STARD8: variants seen among roughly 807,000 people sequenced by gnomAD.
STARD8 encodes the protein stAR-related lipid transfer protein 8.
A neutral mutation model predicts 69.4 loss-of-function variants in STARD8; 25 were observed. The ratio of observed to expected loss-of-function variants is 0.36; its 90% CI spans 0.26 to 0.50. STARD8 has a LOEUF of 0.50. Among genes scored for constraint, STARD8 ranks in the 20% least tolerant of loss-of-function variants. The pLI, the probability that STARD8 is intolerant of heterozygous loss-of-function variation, is 0.96. For missense variants in STARD8, 921 were observed against 932.5 expected (o/e 0.99, Z 0.16); for synonymous variants, 389 against 374.6 (o/e 1.04, Z -0.45).
At chrX:68,669,873 A>G (rs1196043266) in intron 2 of STARD8, among the ~76,000 whole-genome samples, 1 of 112,759 alleles carries the variant, frequency 8.9e-6, no homozygotes. Flanking sequence ...AGACAAAAAT[A>G]CTAAGCATAT....
In STARD8 at chrX:68,662,003, TCTTTC is replaced by T. The variant is rs1233393830; in HGVS notation, c.46-3495_46-3491del. On this transcript the variant is annotated intron_variant, in intron 1 of 14. Coordinates refer to ENST00000374599, the MANE Select transcript of STARD8 (RefSeq NM_001142503.3). ...TTCTTTCTTTCTTTCTTTCTTTCTT[TCTTTC>T]TTTCTTTCTTTCTTTCTTTTTGGAG... 9.4e-5 allele frequency among the ~76,000 whole-genome samples: 9 copies of T among 95,684 alleles called. No individual in the cohort carries two copies. The East Asian group carries it at 2.8e-3, about 30-fold the overall frequency. 83.1% of individuals were successfully genotyped at this position (95,684 alleles called of 115,157 possible).
chrX:68,685,712 T>C (rs2079827401), intron 2 of STARD8, among the ~76,000 whole-genome samples: 1 of 112,852 alleles, frequency 8.9e-6, no homozygotes, highest in Admixed American at 9.3e-5. Context: ...ATTTGCATTC[T>C]TGGGCCTCAG....
At chrX:68,673,418 C>A (rs1162935632) in intron 2 of STARD8, among the ~76,000 whole-genome samples, 8 of 111,971 alleles carry the variant, frequency 7.1e-5, no homozygotes, top group Non-Finnish European at 9.4e-5. Context: ...TTTCATCGTC[C>A]CAGATACGCT....
rs750870400 is a variant in STARD8 at position 68,684,566 on chromosome X, G to A, written c.79+19034G>A. Among the ~76,000 whole-genome samples the A allele has an allele frequency of 2.7e-5, 3 of 112,740 alleles. No individual in the cohort carries two copies. The South Asian group carries it at 1.1e-3, about 41-fold the overall frequency. On this transcript the variant is annotated intron_variant, in intron 2 of 14. Coordinates refer to ENST00000374599, the MANE Select transcript of STARD8 (RefSeq NM_001142503.3). ...CTCCTTTTCCGCGGGCGGCGTGGGG[G>A]AGGGGGCTGCCCCTGTGAGAGGCGC...
At chrX:68,659,310 T>C (rs2079630307) in intron 1 of STARD8, among the ~76,000 whole-genome samples, 1 of 112,050 alleles carries the variant, frequency 8.9e-6, no homozygotes, top group Non-Finnish European at 1.9e-5. Flanking sequence ...AGGAAACATT[T>C]TTACCTGCCA....
At chrX:68,685,885 C>T (rs1012743224) in intron 2 of STARD8, among the ~76,000 whole-genome samples, 1 of 99,056 alleles carries the variant, frequency 1.0e-5, no homozygotes, top group Non-Finnish European at 1.9e-5. Context: ...AAGCAGGGGG[C>T]GGTAAAGGGA....
chrX:68,671,721 G>A (rs989625216), intron 2 of STARD8, among the ~76,000 whole-genome samples: 16 of 112,087 alleles, frequency 1.4e-4, no homozygotes, highest in African/African-American at 4.5e-4. Context: ...GTGCAGATCC[G>A]TGTAAAACAC....
At chrX:68,721,280 G>C (rs1045012138) in intron 9 of STARD8, among the ~76,000 whole-genome samples, 158 bp downstream of exon 9, 9 of 111,950 alleles carry the variant, frequency 8.0e-5, no homozygotes, top group Non-Finnish European at 1.5e-4. Flanking sequence ...CTTGCAGAGA[G>C]ACCATTCTGC....
intron 2 of STARD8, among the ~76,000 whole-genome samples, chrX:68,682,693 A>G (rs1450175566): frequency 1.8e-5 from 2 of 112,822 alleles, no homozygotes; most frequent in Non-Finnish European, 3.7e-5. Context: ...GGATAGAGTC[A>G]GGCACATTGA....
At chrX:68,705,212 C>T (rs1275451302) in intron 2 of STARD8, among the ~76,000 whole-genome samples, 1 of 112,489 alleles carries the variant, frequency 8.9e-6, no homozygotes, top group African/African-American at 3.2e-5. Flanking sequence ...CTTTGACCTT[C>T]CTTGTCATAG....
intron 2 of STARD8, among the ~76,000 whole-genome samples, chrX:68,709,307 T>C (rs1359256070): frequency 8.9e-6 from 1 of 112,441 alleles, no homozygotes; most frequent in East Asian, 2.8e-4. Context: ...GCCATTTGGC[T>C]GCAATTCTGA....
intron 2 of STARD8, among the ~76,000 whole-genome samples, chrX:68,708,507 G>A (rs940240752): frequency 8.9e-6 from 1 of 112,066 alleles, no homozygotes; most frequent in Non-Finnish European, 1.9e-5. Flanking sequence ...ACCTCAGAAA[G>A]CATGTGCTGC....
chrX:68,682,051 T>C (rs986572675), intron 2 of STARD8, among the ~76,000 whole-genome samples: 2 of 106,586 alleles, frequency 1.9e-5, no homozygotes, highest in Non-Finnish European at 3.9e-5. Context: ...CAGGCTGGAG[T>C]GCAGTGGCAT....
At chrX:68,667,152 A>T (rs1008254897) in intron 2 of STARD8, among the ~76,000 whole-genome samples, 6 of 112,276 alleles carry the variant, frequency 5.3e-5, no homozygotes, top group Non-Finnish European at 1.1e-4. Flanking sequence ...GAAAATGTCT[A>T]TTTAAAGGCA....
intron 2 of STARD8, among the ~76,000 whole-genome samples, chrX:68,683,172 C>T (rs2079811029): frequency 9.0e-6 from 1 of 111,394 alleles, no homozygotes; most frequent in African/African-American, 3.3e-5. Flanking sequence ...CCTGCTTCTG[C>T]CAATAATCAA....
At chrX:68,693,250 C>G (rs922232796) in intron 2 of STARD8, among the ~76,000 whole-genome samples, 2 of 112,697 alleles carry the variant, frequency 1.8e-5, no homozygotes, top group African/African-American at 6.5e-5. Flanking sequence ...TTTCCCCTAC[C>G]AATTGGAGAT....
chrX:68,653,692 A>G (rs1484893019), intron 1 of STARD8, among the ~76,000 whole-genome samples: 7 of 71,783 alleles, frequency 9.8e-5, no homozygotes, highest in Non-Finnish European at 1.6e-4. Context: ...CCACACACAC[A>G]CCACACCACA....
intron 4 of STARD8, 60 bp from the exon 5 acceptor site, chrX:68,716,308 T>C (rs1324823660): frequency 9.1e-6 from 10 of 1,101,092 alleles, no homozygotes; most frequent in Non-Finnish European, 1.2e-5. Flanking sequence ...TGCATCTTGG[T>C]AGGCTCTGCC....
rs191427896 is a variant in STARD8, at chrX:68,688,434, G to T, written c.79+22902G>T. On this transcript the variant is annotated intron_variant, in intron 2 of 14. Transcript: ENST00000374599. ...AAAGCCACACACCACTCCACAAGCA[G>T]CCCTCCAGCTTCCAGGGCGCCACGT... 5.3e-3 allele frequency among the ~76,000 whole-genome samples: 588 copies of T among 110,340 alleles called. 6 individuals carry two copies. The highest frequency in any genetic ancestry group is 0.019 in the African/African-American group (567 of 29,588).
Sources: gnomAD v4.1 joint callset for allele counts (sites outside exome capture counted in the v4.1 genomes callset) on GRCh38, gnomAD v4.1.1 for gene constraint, MANE v1.5 for transcripts, NCBI Gene and HGNC (gene_info 2026-07-23, HGNC 2026-07-21) for gene names.